Variants in OSBPL8 observed in about 807,000 individuals in gnomAD.
OSBPL8 encodes oxysterol binding protein like 8, also known as oxysterol-binding protein-related protein 8.
In OSBPL8, 59 loss-of-function variants were observed where a neutral mutation model predicts 125.5. The observed-to-expected ratio is 0.47, with a 90% CI of 0.38 to 0.58. The LOEUF is 0.58. Among genes scored for constraint, OSBPL8 ranks in the 20% least tolerant of loss-of-function variants. OSBPL8 has a pLI of 0.00. For synonymous variants in OSBPL8, 330 were observed against 338.9 expected, an observed-to-expected ratio of 0.97 and a Z score of 0.29; for missense variants, 758 against 1,047.8, an observed-to-expected ratio of 0.72 and a Z score of 3.82.
At chr12:76,539,420 A>G (rs1950583614) in intron 1 of OSBPL8, among the ~76,000 whole-genome samples, 1 of 152,200 alleles carries the variant, frequency 6.6e-6, no homozygotes, top group African/African-American at 2.4e-5. Flanking sequence ...TAAGAATAAG[A>G]GTGTACAAAA....
At chr12:76,506,778 T>C (rs1188214559) in intron 1 of OSBPL8, among the ~76,000 whole-genome samples, 1 of 152,150 alleles carries the variant, frequency 6.6e-6, no homozygotes, top group Non-Finnish European at 1.5e-5. Flanking sequence ...GCTTAAAGTA[T>C]AAGTACACCA....
chr12:76,423,567 CTA>C (rs1312798488), intron 4 of OSBPL8, among the ~76,000 whole-genome samples: 1 of 152,094 alleles, frequency 6.6e-6, no homozygotes, highest in African/African-American at 2.4e-5. Flanking sequence ...GACAAATGTA[CTA>C]TGTTTAAAAC....
chr12:76,450,943 T>C lies in OSBPL8; in HGVS notation c.125A>G (p.Lys42Arg). 4.3e-6 allele frequency: 7 copies of C among 1,613,964 alleles called. No individual in the cohort carries two copies. The highest frequency in any genetic ancestry group is 2.2e-5 in the East Asian group (1 of 44,854). Residue 42 changes from lysine (K) to arginine (R), a missense_variant, in exon 4 of 24, where the codon AAG becomes AGG. Lys to Arg is a conservative substitution (Grantham distance 26). Transcript: ENST00000261183. The stretch of plus-strand genomic sequence containing the variant: ...TTCTTTTCCTTGGCGCTGACTCATC[T>C]TTCCTGGTGTCAGAAGCTGAGATTC... The part of the protein sequence containing the change: ...SDESQLLTPG[K>R]MSQRQGKEAY...
intron 1 of OSBPL8, among the ~76,000 whole-genome samples, chr12:76,531,321 CTTAG>C (rs1186044749): frequency 5.3e-5 from 8 of 152,300 alleles, no homozygotes; most frequent in Non-Finnish European, 7.4e-5. Context: ...TTCTCCTTTT[CTTAG>C]TTAGCTTCCA....
chr12:76,502,877 T>C (rs983051281), intron 1 of OSBPL8, among the ~76,000 whole-genome samples: 3 of 152,240 alleles, frequency 2.0e-5, no homozygotes, highest in Non-Finnish European at 4.4e-5. Flanking sequence ...TACTTCCTTA[T>C]TGTTTTATGA....
Position 76,397,820 on chromosome 12 carries a change from T to G in OSBPL8, c.546A>C (p.Gln182His). The change falls in exon 8 of 24, where the codon CAA (glutamine) becomes CAC (histidine). Residue 182 changes from glutamine to histidine, a missense_variant. Gln to His is a conservative substitution (Grantham distance 24). Coordinates refer to ENST00000261183, the MANE Select transcript of OSBPL8 (RefSeq NM_020841.5). ...KPGVLLIYKT[Q>H]KNGQWVGTVL... ...CTGTTCCTACCCACTGACCATTTTTTTGGGTTTTATAGATCAGTAGCACCC... is the reference window on the plus strand; with the variant it reads ...CTGTTCCTACCCACTGACCATTTTTGTGGGTTTTATAGATCAGTAGCACCC... The G allele has an allele frequency of 6.2e-7, 1 of 1,614,122 alleles. No homozygotes were observed. The highest frequency in any genetic ancestry group is 1.3e-5 in the African/African-American group (1 of 75,050).
At chr12:76,362,345 G>A (rs1263942635) in intron 21 of OSBPL8, among the ~76,000 whole-genome samples, 1 of 151,982 alleles carries the variant, frequency 6.6e-6, no homozygotes, top group South Asian at 2.1e-4. Flanking sequence ...AGATCAAGTC[G>A]GTTTCATCCT....
chr12:76,371,611 T>G, intron 18 of OSBPL8, 27 bp from the exon 19 acceptor site: 1 of 1,515,970 alleles, frequency 6.6e-7, no homozygotes, highest in Non-Finnish European at 8.9e-7. Flanking sequence ...TCAAAATTAA[T>G]GTAAAGAATT....
chr12:76,390,641 T>G lies in OSBPL8; in HGVS notation c.946A>C (p.Ile316Leu). The part of the protein sequence containing the change: ...GDNFQLNDSE[I>L]ERQHFKDQDM... The stretch of plus-strand genomic sequence containing the variant: ...TGGTCCTTAAAATGTTGTCGTTCAA[T>G]TTCACTATCATTTAACCTTAAGGGA... Residue 316 changes from isoleucine (I) to leucine (L), a missense_variant, in exon 11 of 24, where the codon ATT becomes CTT. By Grantham distance (5) the Ile-to-Leu change is conservative (BLOSUM62 2). Transcript: ENST00000261183. 6.2e-7 allele frequency: 1 copy of G among 1,610,542 alleles called. No homozygotes were observed. The highest frequency in any genetic ancestry group is 8.5e-7 in the Non-Finnish European group (1 of 1,177,282).
intron 22 of OSBPL8, among the ~76,000 whole-genome samples, chr12:76,357,086 A>G (rs1448236313): frequency 6.6e-6 from 1 of 151,852 alleles, no homozygotes; most frequent in African/African-American, 2.4e-5. Context: ...CTTTTTTCCA[A>G]TTTTTTATTG....
intron 1 of OSBPL8, among the ~76,000 whole-genome samples, chr12:76,544,623 T>C (rs1023846136): frequency 1.3e-5 from 2 of 152,154 alleles, no homozygotes; most frequent in Non-Finnish European, 2.9e-5. Context: ...TGACGCATGC[T>C]ATAAAGCAAA....
chr12:76,491,273 C>G (rs576865959), intron 1 of OSBPL8, among the ~76,000 whole-genome samples: 1 of 152,306 alleles, frequency 6.6e-6, no homozygotes, highest in African/African-American at 2.4e-5. Context: ...ACTAACAAAA[C>G]CTACAACCTG....
At chr12:76,475,382 C>G (rs1015889079) in intron 2 of OSBPL8, among the ~76,000 whole-genome samples, 20 of 152,168 alleles carry the variant, frequency 1.3e-4, no homozygotes, top group Non-Finnish European at 2.4e-4. Context: ...CTCCCAAAGT[C>G]TAGATTAGCA....
chr12:76,523,537 A>G (rs1950079958), intron 1 of OSBPL8, among the ~76,000 whole-genome samples: 1 of 152,190 alleles, frequency 6.6e-6, no homozygotes, highest in Non-Finnish European at 1.5e-5. Context: ...ATGTGATGAC[A>G]TGTGGAGATA....
In OSBPL8 at chr12:76,363,898, G is replaced by GA. The variant is rs1222292634; in HGVS notation, c.2329-5088dup. Among the ~76,000 whole-genome samples, 16 of 151,920 alleles carry GA rather than the reference G, an allele frequency of 1.1e-4. No individual in the cohort carries two copies. The South Asian group carries it at 3.3e-3, about 32-fold the overall frequency. ...ACATTTATGCAGCCAACAAACACAT[G>GA]AAAAAAAATAATCACTGGTCCTTAG... On this transcript the variant is annotated intron_variant, in intron 21 of 23. Coordinates refer to ENST00000261183, the MANE Select transcript of OSBPL8 (RefSeq NM_020841.5).
chr12:76,510,556 T>A (rs925614301), intron 1 of OSBPL8, among the ~76,000 whole-genome samples: 1 of 152,228 alleles, frequency 6.6e-6, no homozygotes, highest in Non-Finnish European at 1.5e-5. Flanking sequence ...CGGTTATATG[T>A]CTTTTGCAGG....
At chr12:76,513,181 C>T (rs1445700002) in intron 1 of OSBPL8, among the ~76,000 whole-genome samples, 1 of 152,128 alleles carries the variant, frequency 6.6e-6, no homozygotes, top group Non-Finnish European at 1.5e-5. Context: ...GATTTTGGTT[C>T]GTTTGCATTT....
rs1460139249 is a variant in OSBPL8, at chr12:76,397,771, T to A, written c.595A>T (p.Ile199Phe). 1 of 1,614,150 alleles carries A rather than the reference T, an allele frequency of 6.2e-7. No individual in the cohort carries two copies. Among genetic ancestry groups the A allele is most frequent in the Admixed American group, 1.7e-5 (1 of 60,026 alleles). ...GTVLLNACEI[I>F]ERPSKKDGFC... ...CCATCCTTTTTTGATGGACGTTCAA[T>A]GATTTCACAGGCATTCAGAAGAACT... is the stretch of plus-strand genomic sequence containing the variant. The change falls in exon 8 of 24, where the codon ATT (isoleucine) becomes TTT (phenylalanine). Residue 199 changes from isoleucine (I) to phenylalanine (F), a missense_variant. By Grantham distance (21) the Ile-to-Phe change is conservative (BLOSUM62 0). This residue lies in a region of OSBPL8 where 69 missense variants were observed against 148.7 expected (regional missense o/e 0.46). Transcript: ENST00000261183.
intron 1 of OSBPL8, among the ~76,000 whole-genome samples, chr12:76,532,264 T>G (rs769575203): frequency 2.6e-5 from 4 of 152,016 alleles, no homozygotes; most frequent in African/African-American, 4.8e-5. Context: ...TGAAAAGCAC[T>G]TAATATATTT....
Sources: gnomAD v4.1 joint callset for allele counts (sites outside exome capture counted in the v4.1 genomes callset) on GRCh38, gnomAD v4.1.1 for gene constraint, gnomAD v4.1.1 regional missense constraint, MANE v1.5 for transcripts, NCBI Gene and HGNC (gene_info 2026-07-23, HGNC 2026-07-21) for gene names.